The following RPS6KA2 variants were observed in gnomAD, a reference collection of about 807,000 sequenced individuals.
RPS6KA2 encodes ribosomal protein S6 kinase alpha-2.
RPS6KA2 carries 42 observed loss-of-function variants against 91.8 expected under a neutral mutation model. The ratio of observed to expected loss-of-function variants is 0.46; its 90% CI spans 0.36 to 0.59. The LOEUF (loss-of-function observed/expected upper bound fraction) is 0.59. Ranked by LOEUF, RPS6KA2 falls within the 20% of genes least tolerant of loss-of-function variation. The pLI is 0.00. For synonymous variants in RPS6KA2, 414 were observed against 393.6 expected (o/e 1.05, Z -0.61); for missense variants, 798 against 978.5 (o/e 0.82, Z 2.46).
At chr6:166,711,744 T>C (rs537932797) in intron 2 of RPS6KA2, among the ~76,000 whole-genome samples, 8 of 147,132 alleles carry the variant, frequency 5.4e-5, no homozygotes, top group Non-Finnish European at 1.0e-4. Context: ...AAAGCAAGCA[T>C]AAGAAAGAAC....
rs533777879 is a variant in RPS6KA2, at chr6:166,703,703, G to A, written c.123+154497C>T. On this transcript the variant is annotated intron_variant, in intron 2 of 21. Coordinates refer to the RPS6KA2 transcript ENST00000503859. ...GGAAATAAAGTGATACATAGCAGGC[G>A]AAATCACGGAAGCAGGATTTTGTTT... Among the ~76,000 whole-genome samples the A allele has an allele frequency of 1.6e-3, 244 of 152,318 alleles. 1 individual carries two copies. Among genetic ancestry groups the A allele is most frequent in the African/African-American group, 5.7e-3 (238 of 41,564 alleles).
At chr6:166,575,350 C>G (rs1209736766) in intron 1 of RPS6KA2, among the ~76,000 whole-genome samples, 4 of 152,152 alleles carry the variant, frequency 2.6e-5, no homozygotes, top group Non-Finnish European at 4.4e-5. Context: ...ATTTTCAGCG[C>G]TGGCTTTTGC....
chr6:166,850,693 C>T (rs1562470641), intron 2 of RPS6KA2, among the ~76,000 whole-genome samples: 1 of 152,174 alleles, frequency 6.6e-6, no homozygotes, highest in Non-Finnish European at 1.5e-5. Flanking sequence ...AAGCTCTGCT[C>T]GGGATGGCGG....
chr6:166,728,334 T>C (rs2007919), intron 2 of RPS6KA2, among the ~76,000 whole-genome samples: 40,788 of 152,104 alleles, frequency 0.27, 5,651 homozygotes, highest in African/African-American at 0.35. Context: ...TTCCACGTGG[T>C]GTGGGCAATT....
At chr6:166,521,898 G>C (rs1020244551) in intron 3 of RPS6KA2, among the ~76,000 whole-genome samples, 2 of 152,170 alleles carry the variant, frequency 1.3e-5, no homozygotes, top group African/African-American at 4.8e-5. Flanking sequence ...TGGGGCCTCC[G>C]GGAGGTGATT....
chr6:166,842,900 G>A (rs553643595), intron 2 of RPS6KA2, among the ~76,000 whole-genome samples: 6 of 152,046 alleles, frequency 3.9e-5, no homozygotes, highest in South Asian at 4.2e-4. Context: ...GAGAATCCAC[G>A]GACCCTTTGA....
intron 2 of RPS6KA2, among the ~76,000 whole-genome samples, chr6:166,791,021 T>C (rs111723421): frequency 2.6e-5 from 4 of 152,146 alleles, no homozygotes; most frequent in Admixed American, 6.6e-5. Context: ...CAATATTAAC[T>C]TTAAATGTAA....
intron 2 of RPS6KA2, among the ~76,000 whole-genome samples, chr6:166,679,802 T>C (rs1788730842): frequency 6.6e-6 from 1 of 152,200 alleles, no homozygotes; most frequent in African/African-American, 2.4e-5. Context: ...TGGTGCTCAC[T>C]GGCTGGCGCG....
chr6:166,701,615 C>G (rs1450607760), intron 2 of RPS6KA2: 7 of 1,325,888 alleles, frequency 5.3e-6, no homozygotes, highest in Non-Finnish European at 7.6e-6. Flanking sequence ...TGAACAGTCT[C>G]GGATTCTGAT....
chr6:166,736,108 A>G (rs866804995), intron 2 of RPS6KA2, among the ~76,000 whole-genome samples: 9 of 152,266 alleles, frequency 5.9e-5, no homozygotes, highest in Middle Eastern at 3.2e-3. Flanking sequence ...AACATATACA[A>G]GTAAGTTGGA....
At chr6:166,633,889 GCAGA>G (rs1485307817) in intron 2 of RPS6KA2, among the ~76,000 whole-genome samples, 2 of 152,122 alleles carry the variant, frequency 1.3e-5, no homozygotes, top group Non-Finnish European at 2.9e-5. Flanking sequence ...ACGCTTTAAG[GCAGA>G]CAAACATGCA....
At chr6:166,542,298 A>C (rs1412909344) in intron 1 of RPS6KA2, 2 of 152,228 alleles carry the variant, frequency 1.3e-5, no homozygotes, top group Non-Finnish European at 2.9e-5. Context: ...TTCATTTTGA[A>C]ATATGTGCCT....
intron 2 of RPS6KA2, among the ~76,000 whole-genome samples, chr6:166,633,589 C>T (rs931609006): frequency 2.6e-5 from 4 of 152,154 alleles, no homozygotes; most frequent in East Asian, 1.9e-4. Flanking sequence ...GTTATTCACT[C>T]GGTTAATCCA....
chr6:166,824,724 T>C (rs1001482986), intron 2 of RPS6KA2, among the ~76,000 whole-genome samples: 12 of 147,712 alleles, frequency 8.1e-5, no homozygotes, highest in Admixed American at 4.1e-4. Context: ...TCTGTGTGTA[T>C]GTCTGTGTCT....
intron 1 of RPS6KA2, among the ~76,000 whole-genome samples, chr6:166,589,694 C>G (rs76524989): frequency 1.3e-5 from 2 of 152,206 alleles, no homozygotes; most frequent in Non-Finnish European, 2.9e-5. Flanking sequence ...AATGGGCGCA[C>G]ATCACCTGTG....
At chr6:166,479,391 C>T (rs1398122471) in intron 10 of RPS6KA2, among the ~76,000 whole-genome samples, 1 of 152,262 alleles carries the variant, frequency 6.6e-6, no homozygotes, top group African/African-American at 2.4e-5. Context: ...TGGCCCCAGC[C>T]ACGGCGAGGT....
At chr6:166,736,583 T>A (rs1383304729) in intron 2 of RPS6KA2, among the ~76,000 whole-genome samples, 1 of 152,154 alleles carries the variant, frequency 6.6e-6, no homozygotes, top group African/African-American at 2.4e-5. Flanking sequence ...AAAGTGAAGA[T>A]CATTCCATTT....
At chr6:166,588,260 G>A (rs1002728157) in intron 1 of RPS6KA2, among the ~76,000 whole-genome samples, 5 of 152,208 alleles carry the variant, frequency 3.3e-5, no homozygotes, top group African/African-American at 1.2e-4. Context: ...CAGGTGGACA[G>A]CAGAATCAAA....
intron 2 of RPS6KA2, among the ~76,000 whole-genome samples, chr6:166,778,568 C>T (rs560328587): frequency 1.2e-3 from 178 of 152,284 alleles, no homozygotes; most frequent in African/African-American, 4.0e-3. Flanking sequence ...GAGTTCAAGA[C>T]CAGCCTGGCC....
Sources: allele counts gnomAD v4.1 joint callset (sites outside exome capture counted in the v4.1 genomes callset), GRCh38; gene constraint gnomAD v4.1.1; transcripts MANE v1.5; gene names NCBI Gene and HGNC (gene_info 2026-07-23, HGNC 2026-07-21).